The following DYNC1I1 variants were observed in gnomAD, a reference collection of about 807,000 sequenced individuals.
DYNC1I1 encodes the protein cytoplasmic dynein 1 intermediate chain 1.
DYNC1I1 carries 43 observed loss-of-function variants against 86.6 expected under a neutral mutation model. The ratio of observed to expected loss-of-function variants is 0.50; its 90% CI spans 0.39 to 0.64. The LOEUF (loss-of-function observed/expected upper bound fraction) is 0.64. DYNC1I1 is among the 30% of genes least tolerant of loss of function. DYNC1I1 has a pLI of 0.00. For synonymous variants in DYNC1I1, 262 were observed against 283.7 expected (o/e 0.92, Z 0.77); for missense variants, 604 against 788.8 (o/e 0.77, Z 2.81).
rs1584190102 is a variant in DYNC1I1, at chr7:95,947,690, C to T, written c.491-29822C>T. Among the ~76,000 whole-genome samples the T allele has an allele frequency of 2.6e-5, 4 of 152,184 alleles. 1 individual carries two copies. The highest frequency in any genetic ancestry group is 2.6e-4 in the Admixed American group (4 of 15,286). Reference sequence around the variant, plus strand: ...CTAAACCCTGATATCTCTCCAGTTCCCTCTTTTCCAAGCTTAGACAGGCAA... The same window carrying T: ...CTAAACCCTGATATCTCTCCAGTTCTCTCTTTTCCAAGCTTAGACAGGCAA... On this transcript the variant is annotated intron_variant, in intron 6 of 16. Coordinates refer to ENST00000447467, the MANE Select transcript of DYNC1I1 (RefSeq NM_001135556.2).
intron 4 of DYNC1I1, among the ~76,000 whole-genome samples, chr7:95,813,542 C>A (rs886382753): frequency 3.9e-5 from 6 of 151,978 alleles, no homozygotes; most frequent in Non-Finnish European, 1.5e-5. Flanking sequence ...ATATATCATC[C>A]TTCTTTGAGT....
chr7:95,906,054 A>AT (rs899612541), intron 6 of DYNC1I1, among the ~76,000 whole-genome samples: 2 of 152,094 alleles, frequency 1.3e-5, no homozygotes, highest in Non-Finnish European at 1.5e-5. Context: ...CATGAACTAT[A>AT]TTTTTTCTGG....
intron 16 of DYNC1I1, among the ~76,000 whole-genome samples, chr7:96,089,857 C>A (rs141424079): frequency 2.0e-5 from 3 of 152,030 alleles, no homozygotes; most frequent in Non-Finnish European, 1.5e-5. Flanking sequence ...ACTGCTTAGA[C>A]GCAGTGGTTG....
rs1223117512 is a variant in DYNC1I1 at position 95,810,374 on chromosome 7, A to G, written c.109-18A>G. 6.3e-7 allele frequency: 1 copy of G among 1,577,714 alleles called. No individual in the cohort carries two copies. Among genetic ancestry groups the G allele is most frequent in the African/African-American group, 1.4e-5 (1 of 73,062 alleles). On this transcript the variant is annotated intron_variant, in intron 2 of 16. Coordinates refer to ENST00000447467, the MANE Select transcript of DYNC1I1 (RefSeq NM_001135556.2). Reference sequence around the variant, plus strand: ...TTTAGTTATGTTATTAACTTTTCTTACTGACGTCTACTTCTAGGCTGATAT... The same window carrying G: ...TTTAGTTATGTTATTAACTTTTCTTGCTGACGTCTACTTCTAGGCTGATAT...
chr7:96,067,586 C>G (rs1790033017), intron 14 of DYNC1I1, among the ~76,000 whole-genome samples: 1 of 152,014 alleles, frequency 6.6e-6, no homozygotes, highest in South Asian at 2.1e-4. Context: ...ACCTCCACCT[C>G]TACCCTACCC....
intron 7 of DYNC1I1, among the ~76,000 whole-genome samples, chr7:95,982,472 T>A (rs562042956): frequency 6.6e-6 from 1 of 152,118 alleles, no homozygotes; most frequent in African/African-American, 2.4e-5. Flanking sequence ...AAAGCTGAGA[T>A]CAAAGTGACA....
At chr7:95,792,835 A>G (rs1013015922) in intron 1 of DYNC1I1, among the ~76,000 whole-genome samples, 1 of 152,160 alleles carries the variant, frequency 6.6e-6, no homozygotes, top group Non-Finnish European at 1.5e-5. Context: ...AATAGGGGGC[A>G]TCAGGTTAAA....
At position 95,861,272 on chromosome 7, in the gene DYNC1I1, G is replaced by A. The variant is rs1789869926; in HGVS notation, c.375-8611G>A. On this transcript the variant is annotated intron_variant, in intron 5 of 16. Coordinates refer to ENST00000447467, the MANE Select transcript of DYNC1I1 (RefSeq NM_001135556.2). ...CAGAGACCATTGCTCAGTGTTATTT[G>A]TGATTCACAGTTTATGGAATCTCAA... Among the ~76,000 whole-genome samples the A allele has an allele frequency of 2.0e-5, 3 of 152,090 alleles. No homozygotes were observed. The South Asian group carries it at 6.2e-4, about 32-fold the overall frequency.
intron 6 of DYNC1I1, among the ~76,000 whole-genome samples, chr7:95,963,863 T>C (rs1168620700): frequency 1.3e-5 from 2 of 152,192 alleles, no homozygotes; most frequent in Non-Finnish European, 2.9e-5. Context: ...TACTTTGAAA[T>C]CTGACCACAA....
intron 6 of DYNC1I1, among the ~76,000 whole-genome samples, chr7:95,927,684 G>C (rs1011413970): frequency 3.3e-5 from 5 of 151,998 alleles, no homozygotes; most frequent in African/African-American, 1.2e-4. Flanking sequence ...TGGGGGTAAA[G>C]GGCATACAGA....
intron 1 of DYNC1I1, among the ~76,000 whole-genome samples, chr7:95,790,156 T>C (rs1011808227): frequency 2.0e-5 from 3 of 152,188 alleles, no homozygotes; most frequent in African/African-American, 7.2e-5. Context: ...TAGCCAACTT[T>C]TGGCTATAGG....
At chr7:95,774,333 CCTT>C (rs72205162) in intron 1 of DYNC1I1, among the ~76,000 whole-genome samples, 49,985 of 151,824 alleles carry the variant, frequency 0.33, 8,674 homozygotes, top group South Asian at 0.51. Flanking sequence ...CTTGCTTCCT[CCTT>C]CTTTGGACCT....
chr7:95,955,956 GTGTT>G (rs1169647405), intron 6 of DYNC1I1, among the ~76,000 whole-genome samples: 1 of 152,150 alleles, frequency 6.6e-6, no homozygotes, highest in Non-Finnish European at 1.5e-5. Context: ...GAGTAACATG[GTGTT>G]TGTTTATTAC....
intron 5 of DYNC1I1, among the ~76,000 whole-genome samples, chr7:95,868,590 A>G (rs746556556): frequency 6.6e-6 from 1 of 151,920 alleles, no homozygotes; most frequent in Non-Finnish European, 1.5e-5. Context: ...AGACGCATGC[A>G]CTCCATGCCT....
chr7:95,923,527 C>A (rs895775448), intron 6 of DYNC1I1, among the ~76,000 whole-genome samples: 2 of 152,004 alleles, frequency 1.3e-5, no homozygotes, highest in Admixed American at 6.6e-5. Context: ...ACAGTGTAAA[C>A]CCTGCTTTGT....
intron 4 of DYNC1I1, chr7:95,818,865 G>T: frequency 4.5e-6 from 1 of 223,302 alleles, no homozygotes. Flanking sequence ...TTTCAATCAA[G>T]TGTATTTTTA....
At chr7:96,105,788 A>G (rs1791205762) in intron 16 of DYNC1I1, among the ~76,000 whole-genome samples, 1 of 152,194 alleles carries the variant, frequency 6.6e-6, no homozygotes, top group Non-Finnish European at 1.5e-5. Context: ...TTATTTGTAG[A>G]AACGTTTTTG....
At chr7:95,825,407 G>T (rs761127137) in intron 4 of DYNC1I1, among the ~76,000 whole-genome samples, 1 of 152,206 alleles carries the variant, frequency 6.6e-6, no homozygotes, top group Non-Finnish European at 1.5e-5. Flanking sequence ...TGCAAGGAAA[G>T]CTTCTTACAA....
At chr7:95,987,298 T>C in intron 9 of DYNC1I1, 143 bp downstream of exon 9, 1 of 711,820 alleles carries the variant, frequency 1.4e-6, no homozygotes, top group Non-Finnish European at 2.4e-6. Context: ...GAGGTTTCAG[T>C]TTCAATTCTC....
Sources: allele counts gnomAD v4.1 joint callset (sites outside exome capture counted in the v4.1 genomes callset), GRCh38; gene constraint gnomAD v4.1.1; transcripts MANE v1.5; gene names NCBI Gene and HGNC (gene_info 2026-07-23, HGNC 2026-07-21).